Variants in STK32A observed in about 807,000 individuals in gnomAD.
STK32A encodes the protein serine/threonine-protein kinase 32A.
In STK32A, 41 loss-of-function variants were observed where a neutral mutation model predicts 53.2. That is an observed-to-expected ratio of 0.77 (90% CI 0.60 to 1.00). The LOEUF (loss-of-function observed/expected upper bound fraction) is 1.00. Ranked by LOEUF, STK32A falls within the 50% of genes least tolerant of loss-of-function variation. The pLI, the probability that STK32A is intolerant of heterozygous loss-of-function variation, is 0.00. For missense variants in STK32A, 458 were observed against 485.8 expected (o/e 0.94, Z 0.54); for synonymous variants, 166 against 162.8 (o/e 1.02, Z -0.15).
intron 4 of STK32A, among the ~76,000 whole-genome samples, chr5:147,314,380 C>T (rs887447974): frequency 6.6e-6 from 1 of 151,512 alleles, no homozygotes; most frequent in Non-Finnish European, 1.5e-5. Context: ...TACCTGTATC[C>T]CCAGCTACTT....
Position 147,260,295 on chromosome 5 carries a change from GTC to G in STK32A, c.53-17807_53-17806del, listed in dbSNP as rs71001423. Among the ~76,000 whole-genome samples, 329 of 117,172 alleles carry G rather than the reference GTC, an allele frequency of 2.8e-3. 12 individuals carry two copies. The highest frequency in any genetic ancestry group is 7.8e-3 in the African/African-American group (241 of 30,908). The allele number at this position is 117,172 out of a possible 152,430, so 76.9% of individuals were successfully genotyped here. ...CCCTCTCTGTCTCTCTCTCTCGCCT[GTC>G]TCTCTCTCTCTCTCTCTCTCTTCTC... On this transcript the variant is annotated intron_variant, in intron 2 of 12. Transcript: ENST00000397936.
downstream of STK32A, among the ~76,000 whole-genome samples, chr5:147,389,191 C>T (rs892781005): frequency 6.6e-6 from 1 of 152,130 alleles, no homozygotes; most frequent in Non-Finnish European, 1.5e-5. Flanking sequence ...ATGGCCATCC[C>T]CTGGTATCCC....
intron 6 of STK32A, among the ~76,000 whole-genome samples, chr5:147,344,873 T>A (rs1187550547): frequency 6.6e-6 from 1 of 152,174 alleles, no homozygotes; most frequent in Non-Finnish European, 1.5e-5. Context: ...AGCTTTATCC[T>A]CCCTTCAGAG....
At chr5:147,355,786 G>GTATATATATATATATATATATATA (rs1421118282) in intron 7 of STK32A, among the ~76,000 whole-genome samples, 1 of 128,284 alleles carries the variant, frequency 7.8e-6, no homozygotes, top group African/African-American at 3.5e-5. Context: ...GTGTGAGTGT[G>GTATATATATATATATATATATATA]TGTGTGTATA....
chr5:147,274,268 T>C (rs1755160826), intron 2 of STK32A, among the ~76,000 whole-genome samples: 1 of 152,168 alleles, frequency 6.6e-6, no homozygotes, highest in Non-Finnish European at 1.5e-5. Flanking sequence ...GCCTGTTTTC[T>C]TGCAGGCCAC....
rs1014333953 is a variant in STK32A, at chr5:147,267,327, T to C, written c.53-10797T>C. ...AGACAAACCCAAAAGCAGAGTTTCA[T>C]GCTCATAGTCACCATAATGTATTCA... On this transcript the variant is annotated intron_variant, in intron 2 of 12. Coordinates refer to ENST00000397936, the MANE Select transcript of STK32A (RefSeq NM_001112724.2). Among the ~76,000 whole-genome samples, 2 of 152,192 alleles carry C rather than the reference T, an allele frequency of 1.3e-5. 1 individual carries two copies. The highest frequency in any genetic ancestry group is 4.1e-4 in the South Asian group (2 of 4,828).
rs1203040790 is a variant in STK32A at position 147,314,524 on chromosome 5, A to C, written c.261-9374A>C. On this transcript the variant is annotated intron_variant, in intron 4 of 12. Coordinates refer to ENST00000397936, the MANE Select transcript of STK32A (RefSeq NM_001112724.2). Reference sequence around the variant, plus strand: ...AAAAAAAACAAAAAAAAACAAAAAAAAACAAAAAAAAAAAAAGAACAAAGA... The same window carrying C: ...AAAAAAAACAAAAAAAAACAAAAAACAACAAAAAAAAAAAAAGAACAAAGA... Among the ~76,000 whole-genome samples, 38 of 20,122 alleles carry C rather than the reference A, an allele frequency of 1.9e-3. 1 individual carries two copies. Among genetic ancestry groups the C allele is most frequent in the African/African-American group, 4.5e-3 (33 of 7,270 alleles). 13.2% of individuals were successfully genotyped at this position (20,122 alleles called of 152,430 possible). A position where few individuals can be genotyped will look rare whatever the true frequency, so the allele number is the denominator to read the frequency against.
At position 147,260,563 on chromosome 5, in the gene STK32A, A is replaced by G. The variant is rs151277530; in HGVS notation, c.53-17561A>G. Among the ~76,000 whole-genome samples the G allele has an allele frequency of 4.4e-3, 638 of 145,816 alleles. 26 individuals carry two copies. The highest frequency in any genetic ancestry group is 0.037 in the Admixed American group (565 of 15,094). ...CGCCTTGCCTGTCCTCGAAGGCTCA[A>G]CTCCTCAAACCAAGGGGTGTCTTCC... On this transcript the variant is annotated intron_variant, in intron 2 of 12. Coordinates refer to ENST00000397936, the MANE Select transcript of STK32A (RefSeq NM_001112724.2).
Position 147,383,682 on chromosome 5 carries a change from A to G in STK32A, c.1097+177A>G, listed in dbSNP as rs1018774579. Among the ~76,000 whole-genome samples the G allele has an allele frequency of 2.0e-5, 3 of 152,174 alleles. No homozygotes were observed. The East Asian group carries it at 5.8e-4, about 29-fold the overall frequency. ...TTTGTAAGGTATTTAACATTTTTTA[A>G]TTGATAAATTAGCCTAGCATCAAGT... On this transcript the variant is annotated intron_variant, in intron 12 of 12. Coordinates refer to ENST00000397936, the MANE Select transcript of STK32A (RefSeq NM_001112724.2).
At chr5:147,269,658 T>C (rs1380306826) in intron 2 of STK32A, among the ~76,000 whole-genome samples, 4 of 152,238 alleles carry the variant, frequency 2.6e-5, no homozygotes, top group Non-Finnish European at 5.9e-5. Flanking sequence ...GGAATTTATC[T>C]TATTTGGGTC....
intron 7 of STK32A, among the ~76,000 whole-genome samples, chr5:147,354,004 T>TAGAGAG (rs10668611): frequency 0.075 from 11,085 of 148,346 alleles, 1,346 homozygotes; most frequent in African/African-American, 0.26. Flanking sequence ...CCCATGTAAC[T>TAGAGAG]AGAGAGAGAG....
At chr5:147,397,524 A>T in the STK32A span, 1 of 895,418 alleles carries the variant, frequency 1.1e-6, no homozygotes, top group Non-Finnish European at 1.6e-6. Context: ...AAGTCTGTGT[A>T]GTTGTTCTTG....
At chr5:147,294,124 C>A (rs986937619) in intron 4 of STK32A, among the ~76,000 whole-genome samples, 2 of 152,168 alleles carry the variant, frequency 1.3e-5, no homozygotes, top group African/African-American at 2.4e-5. Context: ...CACCAGTGAG[C>A]TTTTGAGATT....
At chr5:147,326,026 G>A (rs796152208) in intron 5 of STK32A, among the ~76,000 whole-genome samples, 55 of 152,074 alleles carry the variant, frequency 3.6e-4, no homozygotes, top group African/African-American at 1.2e-3. Context: ...TCATGTTCTT[G>A]GTCATCAAAA....
chr5:147,241,613 A>C (rs927228038), intron 2 of STK32A, among the ~76,000 whole-genome samples: 1 of 152,230 alleles, frequency 6.6e-6, no homozygotes. Flanking sequence ...AGGAACTTTG[A>C]AATTATATAG....
intron 8 of STK32A, 151 bp from the exon 9 acceptor site, chr5:147,370,503 T>C (rs1561753082): frequency 2.2e-6 from 1 of 464,840 alleles, no homozygotes; most frequent in Non-Finnish European, 3.9e-6. Flanking sequence ...CAGGACCACC[T>C]ACACATATGG....
At chr5:147,308,672 G>A (rs1440336888) in intron 4 of STK32A, among the ~76,000 whole-genome samples, 1 of 150,778 alleles carries the variant, frequency 6.6e-6, no homozygotes, top group East Asian at 1.9e-4. Context: ...TAGGCTATTT[G>A]TAGATATCCT....
intron 2 of STK32A, among the ~76,000 whole-genome samples, chr5:147,263,562 C>T (rs181441894): frequency 1.3e-5 from 2 of 151,778 alleles, no homozygotes; most frequent in Admixed American, 1.3e-4. Context: ...AAATAGATAC[C>T]AAGAAAATAG....
intron 7 of STK32A, among the ~76,000 whole-genome samples, chr5:147,355,748 A>G (rs1756198677): frequency 6.7e-6 from 1 of 149,262 alleles, no homozygotes; most frequent in African/African-American, 2.5e-5. Flanking sequence ...TTATATATGT[A>G]TGTATGTGTA....
Sources: gnomAD v4.1 joint callset for allele counts (sites outside exome capture counted in the v4.1 genomes callset) on GRCh38, gnomAD v4.1.1 for gene constraint, MANE v1.5 for transcripts, NCBI Gene and HGNC (gene_info 2026-07-23, HGNC 2026-07-21) for gene names.